CDH10: variants seen among roughly 807,000 people sequenced by gnomAD.
CDH10 encodes cadherin 10.
Under a neutral mutation model 73.1 loss-of-function variants are expected in CDH10, and 30 were observed. The ratio of observed to expected loss-of-function variants is 0.41; its 90% CI spans 0.31 to 0.56. The LOEUF is 0.56. Ranked by LOEUF, CDH10 falls within the 20% of genes least tolerant of loss-of-function variation. The pLI is 0.27. For missense variants in CDH10, 815 were observed against 973.7 expected (o/e 0.84, Z 2.17); for synonymous variants, 345 against 348.2 (o/e 0.99, Z 0.10).
intron 2 of CDH10, among the ~76,000 whole-genome samples, chr5:24,571,954 A>G (rs1041214503): frequency 6.6e-6 from 1 of 151,634 alleles, no homozygotes; most frequent in Non-Finnish European, 1.5e-5. Context: ...TGTTTTACAA[A>G]TGAAAACACT....
intron 7 of CDH10, among the ~76,000 whole-genome samples, chr5:24,508,563 C>T (rs1053744153): frequency 6.7e-6 from 1 of 149,904 alleles, no homozygotes; most frequent in African/African-American, 2.5e-5. Context: ...GTTGCTTTGT[C>T]ACTGGAGAGC....
intron 8 of CDH10, chr5:24,499,250 G>A (rs1742403164): frequency 1.3e-5 from 2 of 152,448 alleles, no homozygotes; most frequent in Non-Finnish European, 2.9e-5. Context: ...GTTATTGCTG[G>A]TACCATCTCA....
intron 2 of CDH10, 141 bp downstream of exon 2, chr5:24,593,119 T>A: frequency 1.8e-6 from 1 of 560,718 alleles, no homozygotes; most frequent in East Asian, 3.0e-5. Flanking sequence ...AAATTGGAAT[T>A]CGTGTTCCAT....
intron 1 of CDH10, among the ~76,000 whole-genome samples, chr5:24,621,242 T>TCC (rs1747307580): frequency 6.6e-6 from 1 of 152,058 alleles, no homozygotes; most frequent in Non-Finnish European, 1.5e-5. Flanking sequence ...AAACTGAGTC[T>TCC]CCCTGAGATC....
chr5:24,610,051 C>T (rs1203092953), intron 1 of CDH10: 1 of 152,092 alleles, frequency 6.6e-6, no homozygotes, highest in Admixed American at 6.5e-5. Context: ...GGCCCTGGGC[C>T]CAGAAACGCT....
chr5:24,498,977 A>G (rs1742393238), intron 8 of CDH10, among the ~76,000 whole-genome samples: 2 of 152,174 alleles, frequency 1.3e-5, no homozygotes, highest in South Asian at 2.1e-4. Flanking sequence ...GCAAAAGAAC[A>G]AAGCTTCCAC....
rs2111611875 is a variant in CDH10 at position 24,488,085 on chromosome 5, C to T, written c.1945G>A (p.Asp649Asn). Residue 649 changes from aspartate (D) to asparagine (N), a missense_variant, in exon 12 of 12, where the codon GAT (aspartate) becomes AAT (asparagine). This residue lies in a region of CDH10 where 241 missense variants were observed against 240.3 expected (regional missense o/e 1.00). Coordinates refer to ENST00000264463, the MANE Select transcript of CDH10 (RefSeq NM_006727.5). ...KKEPLILSKE[D>N]IRDNIVSYND... is the part of the protein sequence containing the mutation. ...TAGCTCACAATGTTGTCTCTGATAT[C>T]TTCTTTTGACAAGATCAGAGGCTCT... 6.2e-7 allele frequency: 1 copy of T among 1,613,754 alleles called. No homozygotes were observed.
intron 1 of CDH10, among the ~76,000 whole-genome samples, chr5:24,625,084 T>C (rs1747448278): frequency 6.6e-6 from 1 of 152,000 alleles, no homozygotes; most frequent in Admixed American, 6.6e-5. Flanking sequence ...TATAGGAAAA[T>C]AATGGGAAGT....
chr5:24,632,343 A>G (rs75062851), intron 1 of CDH10, among the ~76,000 whole-genome samples: 1 of 422 alleles, frequency 2.4e-3, no homozygotes, highest in South Asian at 0.12. Context: ...ACACCATTTC[A>G]ATTTCAATTT....
chr5:24,628,377 G>C lies in CDH10; in HGVS notation c.-124+16217C>G, dbSNP rs531468313. 1.4e-3 allele frequency among the ~76,000 whole-genome samples: 214 copies of C among 152,266 alleles called. 1 individual carries two copies. The highest frequency in any genetic ancestry group is 2.3e-3 in the Non-Finnish European group (159 of 68,006). ...AAGCTATCTTCACTGGAAATGTAGT[G>C]GAGACAAACTGCAGACACCAAGTGG... On this transcript the variant is annotated intron_variant, in intron 1 of 11. Coordinates refer to ENST00000264463, the MANE Select transcript of CDH10 (RefSeq NM_006727.5).
At chr5:24,489,940 T>A (rs1326746436) in intron 11 of CDH10, among the ~76,000 whole-genome samples, 1 of 152,068 alleles carries the variant, frequency 6.6e-6, no homozygotes, top group Non-Finnish European at 1.5e-5. Context: ...GCTCAACCAC[T>A]CAGAAATTGT....
chr5:24,610,161 T>A (rs1446244454), intron 1 of CDH10, among the ~76,000 whole-genome samples: 2 of 152,228 alleles, frequency 1.3e-5, no homozygotes, highest in East Asian at 1.9e-4. Flanking sequence ...AACTTTCTTA[T>A]GTTGCCAATT....
At chr5:24,599,309 T>C (rs1746479886) in intron 1 of CDH10, among the ~76,000 whole-genome samples, 1 of 152,108 alleles carries the variant, frequency 6.6e-6, no homozygotes, top group Admixed American at 6.6e-5. Context: ...ACTGCTTCTG[T>C]AAAACAATGA....
intron 2 of CDH10, chr5:24,554,113 G>GA (rs1561159206): frequency 1.7e-3 from 3 of 1,800 alleles, no homozygotes; most frequent in Non-Finnish European, 4.9e-3. Flanking sequence ...GAGGTGGGCG[G>GA]GGGGGGGAGA....
intron 9 of CDH10, among the ~76,000 whole-genome samples, chr5:24,493,218 T>C (rs1221712096): frequency 1.3e-5 from 2 of 152,014 alleles, no homozygotes; most frequent in African/African-American, 2.4e-5. Context: ...TTATTTTATA[T>C]GCATTTACAC....
intron 2 of CDH10, among the ~76,000 whole-genome samples, chr5:24,591,574 G>A (rs1259996107): frequency 1.3e-5 from 2 of 151,866 alleles, no homozygotes; most frequent in African/African-American, 4.8e-5. Context: ...ATTGTCTTCA[G>A]TGATTACAAC....
At chr5:24,619,121 C>T (rs1747221476) in intron 1 of CDH10, among the ~76,000 whole-genome samples, 1 of 152,136 alleles carries the variant, frequency 6.6e-6, no homozygotes, top group Non-Finnish European at 1.5e-5. Flanking sequence ...TTTGATTCCA[C>T]AGATGCATAA....
At chr5:24,621,352 T>C (rs1747310580) in intron 1 of CDH10, among the ~76,000 whole-genome samples, 1 of 152,134 alleles carries the variant, frequency 6.6e-6, no homozygotes, top group Non-Finnish European at 1.5e-5. Context: ...GACACAGAGC[T>C]AAACAAATCA....
intron 1 of CDH10, among the ~76,000 whole-genome samples, chr5:24,598,911 T>C (rs751917317): frequency 5.3e-5 from 8 of 152,090 alleles, no homozygotes; most frequent in Non-Finnish European, 8.8e-5. Flanking sequence ...ATATCAACCA[T>C]ATAAATTTGG....
Sources: allele counts gnomAD v4.1 joint callset (sites outside exome capture counted in the v4.1 genomes callset), GRCh38; gene constraint gnomAD v4.1.1; regional missense constraint gnomAD v4.1.1; transcripts MANE v1.5; gene names NCBI Gene and HGNC (gene_info 2026-07-23, HGNC 2026-07-21).